Variants in SECISBP2 observed in about 807,000 individuals in gnomAD.
The protein encoded by SECISBP2 is selenocysteine insertion sequence-binding protein 2.
Under a neutral mutation model 98.2 loss-of-function variants are expected in SECISBP2, and 96 were observed. The ratio of observed to expected loss-of-function variants is 0.98; its 90% CI spans 0.83 to 1.16. SECISBP2 has a LOEUF of 1.16. SECISBP2 is among the 50% of genes most tolerant of loss of function. The pLI is 0.00. For synonymous variants in SECISBP2, 407 were observed against 370.2 expected, an observed-to-expected ratio of 1.10 and a Z score of -1.14; for missense variants, 1,046 against 1,022.9, an observed-to-expected ratio of 1.02 and a Z score of -0.31.
At chr9:89,346,397 T>C (rs985680271) in intron 10 of SECISBP2, among the ~76,000 whole-genome samples, 3 of 152,184 alleles carry the variant, frequency 2.0e-5, no homozygotes, top group African/African-American at 7.2e-5. Context: ...ATTACTAGAA[T>C]CTTATAGTGG....
In SECISBP2 at chr9:89,326,104, A is replaced by G. The variant is rs79617815; in HGVS notation, c.574+66A>G. The G allele has an allele frequency of 1.1e-3, 1,717 of 1,568,046 alleles. 15 individuals carry two copies. In the East Asian group the frequency reaches 0.019, roughly 18 times the overall value. On this transcript the variant is annotated intron_variant, in intron 4 of 16. Coordinates refer to ENST00000375807, the MANE Select transcript of SECISBP2 (RefSeq NM_024077.5). ...CTTGTGCCCCAGAAACATTCCTGCT[A>G]TGTATACAGCTGTTTCTATGGGCTT...
the SECISBP2 span, chr9:89,365,087 A>T: frequency 6.6e-6 from 1 of 152,264 alleles, no homozygotes; most frequent in Non-Finnish European, 1.5e-5. Flanking sequence ...TGAAGGAAAA[A>T]CAAGCACATC....
intron 14 of SECISBP2, among the ~76,000 whole-genome samples, chr9:89,354,444 G>A (rs1009551677): frequency 7.2e-5 from 11 of 152,196 alleles, no homozygotes; most frequent in Admixed American, 5.2e-4. Flanking sequence ...TAATATCCCA[G>A]AGACAAGTTA....
chr9:89,356,912 C>T, intron 14 of SECISBP2: 1 of 220,540 alleles, frequency 4.5e-6, no homozygotes, highest in African/African-American at 2.3e-5. Flanking sequence ...ATCACCTGCA[C>T]ATGGTACTCA....
chr9:89,358,994 C>T lies in SECISBP2; in HGVS notation c.*170C>T, dbSNP rs576583663. 171 of 632,958 alleles carry T rather than the reference C, an allele frequency of 2.7e-4. No individual in the cohort carries two copies. The highest frequency in any genetic ancestry group is 2.4e-3 in the Middle Eastern group (6 of 2,524). 39.2% of individuals were successfully genotyped at this position (632,958 alleles called of 1,614,324 possible). A position where few individuals can be genotyped will look rare whatever the true frequency, so the allele number is the denominator to read the frequency against. ...CAGTGTCTGCAGGCGTTCAGTGCTG[C>T]GGAGCCTGTTAAAGGTCACTCAGAT... On this transcript the variant is annotated 3_prime_UTR_variant, in exon 17 of 17. Coordinates refer to ENST00000375807, the MANE Select transcript of SECISBP2 (RefSeq NM_024077.5).
chr9:89,334,706 A>C lies in SECISBP2; in HGVS notation c.1065A>C (p.Lys355Asn). The C allele has an allele frequency of 1.2e-6, 2 of 1,613,656 alleles. No homozygotes were observed. Among genetic ancestry groups the C allele is most frequent in the Non-Finnish European group, 1.7e-6 (2 of 1,179,924 alleles). The change falls in exon 7 of 17, where the codon AAA (lysine) becomes AAC (asparagine). Residue 355 changes from lysine to asparagine, a missense_variant. Lys to Asn is a moderately conservative substitution (Grantham distance 94, BLOSUM62 0). Coordinates refer to ENST00000375807, the MANE Select transcript of SECISBP2 (RefSeq NM_024077.5). ...CGGATCCTTCCTACAACAAAGAAAA[A>C]CACATTATTCATCCTACCCAAAAGG... ...LSSDPSYNKE[K>N]HIIHPTQKSK... is the part of the protein sequence containing the mutation.
At chr9:89,344,262 G>A (rs941180560) in intron 10 of SECISBP2, among the ~76,000 whole-genome samples, 1 of 152,172 alleles carries the variant, frequency 6.6e-6, no homozygotes, top group African/African-American at 2.4e-5. Flanking sequence ...TCTGTAGGCT[G>A]TCTGTTCACT....
chr9:89,335,109 G>T (rs753789181), intron 7 of SECISBP2, among the ~76,000 whole-genome samples: 1 of 151,664 alleles, frequency 6.6e-6, no homozygotes, highest in African/African-American at 2.4e-5. Context: ...CCAGCTACTC[G>T]GGAGGCTGAG....
chr9:89,343,593 T>A (rs1017976298), intron 10 of SECISBP2, among the ~76,000 whole-genome samples: 1 of 152,204 alleles, frequency 6.6e-6, no homozygotes, highest in Non-Finnish European at 1.5e-5. Flanking sequence ...GAACATGTGG[T>A]ATTTGGTTTT....
Position 89,359,080 on chromosome 9 carries a change from A to G in SECISBP2, c.*256A>G, listed in dbSNP as rs1276513799. ...ACAGCTCTGGCTTTCTGAGCACACTACGGATCTGGAAAATACTGGAAAATG... is the reference window on the plus strand; with the variant it reads ...ACAGCTCTGGCTTTCTGAGCACACTGCGGATCTGGAAAATACTGGAAAATG... On this transcript the variant is annotated 3_prime_UTR_variant, in exon 17 of 17. Coordinates refer to ENST00000375807, the MANE Select transcript of SECISBP2 (RefSeq NM_024077.5). 6.0e-6 allele frequency: 3 copies of G among 499,764 alleles called. No homozygotes were observed. The highest frequency in any genetic ancestry group is 3.8e-5 in the East Asian group (1 of 26,248). 31.0% of individuals were successfully genotyped at this position (499,764 alleles called of 1,614,324 possible).
chr9:89,334,790 G>A, intron 7 of SECISBP2, 60 bp downstream of exon 7: 3 of 1,252,856 alleles, frequency 2.4e-6, no homozygotes, highest in Non-Finnish European at 3.5e-6. Flanking sequence ...GTAGAGTGGG[G>A]AATGAGAAGT....
At chr9:89,355,167 T>A in intron 14 of SECISBP2, 1 of 985,326 alleles carries the variant, frequency 1.0e-6, no homozygotes, top group South Asian at 4.7e-5. Context: ...TTGGAGAAGT[T>A]CTTCTCTTGA....
intron 2 of SECISBP2, among the ~76,000 whole-genome samples, chr9:89,320,208 T>G (rs1444633680): frequency 6.6e-6 from 1 of 151,824 alleles, no homozygotes; most frequent in African/African-American, 2.4e-5. Flanking sequence ...ATACAAAAAT[T>G]AATCAGGTAT....
rs183397032 is a variant in SECISBP2, at chr9:89,343,930, G to A, written c.1435+2451G>A. 2.4e-3 allele frequency among the ~76,000 whole-genome samples: 372 copies of A among 152,292 alleles called. 1 individual carries two copies. Among genetic ancestry groups the A allele is most frequent in the Non-Finnish European group, 3.1e-3 (208 of 68,018 alleles). On this transcript the variant is annotated intron_variant, in intron 10 of 16. Transcript: ENST00000375807. ...GAATCACCACACTGCTTTCCACAGC[G>A]GTTGAACTAATTTACACTCCCAGCA...
intron 16 of SECISBP2, 44 bp from the exon 17 acceptor site, chr9:89,358,677 C>T (rs1454933986): frequency 7.6e-7 from 1 of 1,320,192 alleles, no homozygotes; most frequent in Non-Finnish European, 1.1e-6. Context: ...AGTTTTCCTA[C>T]TTGTTGATGC....
At chr9:89,350,075 A>T in intron 13 of SECISBP2, 146 bp downstream of exon 13, 1 of 928,540 alleles carries the variant, frequency 1.1e-6, no homozygotes, top group Non-Finnish European at 1.7e-6. Context: ...GTACCTGGTT[A>T]CACGCATTCA....
intron 2 of SECISBP2, among the ~76,000 whole-genome samples, chr9:89,320,355 C>CAAAA (rs776426275): frequency 5.8e-5 from 3 of 51,946 alleles, no homozygotes; most frequent in Non-Finnish European, 1.2e-4. Context: ...GACTCTGTCT[C>CAAAA]AAAAAAAAAA....
At chr9:89,339,142 T>C (rs1829263811) in intron 8 of SECISBP2, among the ~76,000 whole-genome samples, 1 of 152,238 alleles carries the variant, frequency 6.6e-6, no homozygotes, top group Non-Finnish European at 1.5e-5. Flanking sequence ...TTGTTTTCTT[T>C]ACATTGCTGT....
intron 12 of SECISBP2, among the ~76,000 whole-genome samples, chr9:89,349,216 A>G (rs944213703): frequency 4.6e-5 from 7 of 152,170 alleles, no homozygotes; most frequent in Non-Finnish European, 8.8e-5. Context: ...TGTTACTGCA[A>G]TTGCATTTTG....
Sources: allele counts gnomAD v4.1 joint callset (sites outside exome capture counted in the v4.1 genomes callset), GRCh38; gene constraint gnomAD v4.1.1; transcripts MANE v1.5; gene names NCBI Gene and HGNC (gene_info 2026-07-23, HGNC 2026-07-21).